The following FNIP2 variants were observed in gnomAD, a reference collection of about 807,000 sequenced individuals.
FNIP2 encodes the protein folliculin interacting protein 2.
Under a neutral mutation model 108.7 loss-of-function variants are expected in FNIP2, and 32 were observed. That is an observed-to-expected ratio of 0.29 (90% CI 0.22 to 0.40). The LOEUF is 0.40. Among genes scored for constraint, FNIP2 ranks in the 10% least tolerant of loss-of-function variants. The pLI is 1.00. For missense variants in FNIP2, 1,202 were observed against 1,381.6 expected (o/e 0.87, Z 2.06); for synonymous variants, 480 against 496.7 (o/e 0.97, Z 0.45).
chr4:158,792,899 G>C (rs1244406807), intron 1 of FNIP2, among the ~76,000 whole-genome samples: 1 of 152,202 alleles, frequency 6.6e-6, no homozygotes, highest in Non-Finnish European at 1.5e-5. Context: ...GGGAATTAAA[G>C]TGATGACTTG....
At chr4:158,851,804 G>C (rs1417265772) in intron 8 of FNIP2, among the ~76,000 whole-genome samples, 1 of 152,168 alleles carries the variant, frequency 6.6e-6, no homozygotes, top group Non-Finnish European at 1.5e-5. Flanking sequence ...TGGCTACAGT[G>C]ATACCAGTGT....
intron 14 of FNIP2, among the ~76,000 whole-genome samples, chr4:158,870,965 C>T (rs1780912680): frequency 6.6e-6 from 1 of 152,190 alleles, no homozygotes; most frequent in South Asian, 2.1e-4. Context: ...AGCAGATAGG[C>T]TGGGCAAATG....
chr4:158,863,690 A>G (rs1780418054), intron 12 of FNIP2, among the ~76,000 whole-genome samples: 1 of 152,254 alleles, frequency 6.6e-6, no homozygotes, highest in South Asian at 2.1e-4. Flanking sequence ...ATTTACATGT[A>G]TATTTTGTAA....
At chr4:158,900,962 G>C (rs146184345) in intron 16 of FNIP2, among the ~76,000 whole-genome samples, 2 of 152,252 alleles carry the variant, frequency 1.3e-5, no homozygotes, top group African/African-American at 4.8e-5. Flanking sequence ...TGTTTTTGCA[G>C]TGGCTGGTAC....
chr4:158,907,952 A>T lies in FNIP2; in HGVS notation c.*3408A>T, dbSNP rs1258699981. The T allele has an allele frequency of 1.3e-5, 2 of 152,188 alleles. No homozygotes were observed. Among genetic ancestry groups the T allele is most frequent in the African/African-American group, 4.8e-5 (2 of 41,452 alleles). 9.4% of individuals were successfully genotyped at this position (152,188 alleles called of 1,614,324 possible). A position where few individuals can be genotyped will look rare whatever the true frequency, so the allele number is the denominator to read the frequency against. On this transcript the variant is annotated 3_prime_UTR_variant, in exon 17 of 17. Coordinates refer to ENST00000264433, the MANE Select transcript of FNIP2 (RefSeq NM_020840.3). ...TTTTGATCAGTCTGAATAGATACCAATGTCATTGTGTGGGAATTTTTTTTA... is the reference window on the plus strand; with the variant it reads ...TTTTGATCAGTCTGAATAGATACCATTGTCATTGTGTGGGAATTTTTTTTA...
rs188016133 is a variant in FNIP2, at chr4:158,868,374, C to T, written c.1738C>T (p.Pro580Ser). The T allele has an allele frequency of 1.3e-3, 2,085 of 1,613,916 alleles. 25 individuals are homozygous for T. The highest frequency in any genetic ancestry group is 1.3e-4 in the Non-Finnish European group (148 of 1,179,876). The change falls in exon 13 of 17, where the codon CCC (proline) becomes TCC (serine). Residue 580 changes from proline to serine, a missense_variant. Physicochemically the swap from Pro to Ser is moderately conservative, Grantham distance 74. This residue lies in a region of FNIP2 where 878 missense variants were observed against 990.3 expected (regional missense o/e 0.89). Transcript: ENST00000264433. The surrounding 1 kb of genome is among the most constrained non-coding windows in gnomAD (Gnocchi z 4.6). ...GGTGAGGAACGAGCCCGCTCTTGTA[C>T]CCCCCATCCTACCACCAACAGCAGC... is the stretch of plus-strand genomic sequence containing the variant. ...ITVRNEPALV[P>S]PILPPTAAER...
chr4:158,859,395 G>T (rs1045971075), intron 9 of FNIP2, 137 bp downstream of exon 9: 11 of 1,096,088 alleles, frequency 1.0e-5, no homozygotes, highest in Non-Finnish European at 1.4e-5. Flanking sequence ...TTTTAGGCAT[G>T]TTGATGTTAG....
At chr4:158,857,019 C>T (rs1459556700) in intron 8 of FNIP2, among the ~76,000 whole-genome samples, 1 of 152,158 alleles carries the variant, frequency 6.6e-6, no homozygotes, top group African/African-American at 2.4e-5. Flanking sequence ...AAGTTCTCCA[C>T]TCTATTATAG....
At chr4:158,864,357 CA>C (rs1439613877) in intron 12 of FNIP2, among the ~76,000 whole-genome samples, 3 of 152,020 alleles carry the variant, frequency 2.0e-5, no homozygotes, top group Non-Finnish European at 4.4e-5. Flanking sequence ...ACCCACAAGC[CA>C]AACAAATTGC....
At chr4:158,888,976 G>T (rs566845747) in intron 14 of FNIP2, among the ~76,000 whole-genome samples, 1 of 152,198 alleles carries the variant, frequency 6.6e-6, no homozygotes, top group East Asian at 1.9e-4. Flanking sequence ...GAGCACTTGG[G>T]GCCAGGAGTT....
At chr4:158,832,009 G>A (rs779131931) in intron 4 of FNIP2, 48 bp downstream of exon 4, 1 of 1,598,024 alleles carries the variant, frequency 6.3e-7, no homozygotes, top group Non-Finnish European at 8.6e-7. Context: ...TGGAACGGTG[G>A]TATTGACTCC....
At chr4:158,788,779 C>T (rs74931360) in intron 1 of FNIP2, among the ~76,000 whole-genome samples, 9,104 of 152,278 alleles carry the variant, frequency 0.06, 392 homozygotes, top group Middle Eastern at 0.11. Context: ...ACTGCTGTAG[C>T]CTCCTGCTCC....
intron 1 of FNIP2, among the ~76,000 whole-genome samples, chr4:158,811,519 T>C (rs11725623): frequency 0.43 from 65,314 of 151,690 alleles, 14,644 homozygotes; most frequent in African/African-American, 0.53. Flanking sequence ...GGCACATCAT[T>C]TCATCTCTCT....
chr4:158,784,416 A>T (rs940617389), intron 1 of FNIP2, among the ~76,000 whole-genome samples: 5 of 152,206 alleles, frequency 3.3e-5, no homozygotes, highest in African/African-American at 1.2e-4. Flanking sequence ...CAATTTTTCC[A>T]CAGACAGTGG....
intron 7 of FNIP2, among the ~76,000 whole-genome samples, chr4:158,843,862 C>G (rs552216018): frequency 2.6e-5 from 4 of 152,188 alleles, no homozygotes; most frequent in Non-Finnish European, 4.4e-5. Flanking sequence ...CTGCAGCATC[C>G]TTTCCCTAGA....
At chr4:158,796,444 A>G (rs1776594082) in intron 1 of FNIP2, among the ~76,000 whole-genome samples, 1 of 152,114 alleles carries the variant, frequency 6.6e-6, no homozygotes, top group East Asian at 1.9e-4. Flanking sequence ...AGTCTATCTC[A>G]GAGTGTTTAA....
chr4:158,859,357 A>C (rs1780159104), intron 9 of FNIP2, 99 bp downstream of exon 9: 1 of 1,309,170 alleles, frequency 7.6e-7, no homozygotes. Context: ...TTTCCTAAGG[A>C]AGTTAAATCA....
intron 1 of FNIP2, among the ~76,000 whole-genome samples, chr4:158,816,784 CA>C (rs543335523): frequency 0.44 from 44,324 of 101,032 alleles, 6,144 homozygotes; most frequent in Middle Eastern, 0.52. Context: ...GACTCTGTCT[CA>C]AAAAAAAAAA....
At chr4:158,853,370 G>C (rs1341136311) in intron 8 of FNIP2, among the ~76,000 whole-genome samples, 1 of 152,154 alleles carries the variant, frequency 6.6e-6, no homozygotes, top group African/African-American at 2.4e-5. Context: ...ACAACATCTG[G>C]ATAAATTTTT....
Sources: allele counts gnomAD v4.1 joint callset (sites outside exome capture counted in the v4.1 genomes callset), GRCh38; gene constraint gnomAD v4.1.1; regional missense constraint gnomAD v4.1.1; non-coding constraint Gnocchi (gnomAD v3.1); transcripts MANE v1.5; gene names NCBI Gene and HGNC (gene_info 2026-07-23, HGNC 2026-07-21).